Variants in FREM2 observed in about 807,000 individuals in gnomAD.
The protein encoded by FREM2 is FRAS1 related extracellular matrix 2.
A neutral mutation model predicts 219.9 loss-of-function variants in FREM2; 119 were observed. That is an observed-to-expected ratio of 0.54 (90% CI 0.47 to 0.63). FREM2 has a LOEUF of 0.63. Among genes scored for constraint, FREM2 ranks in the 30% least tolerant of loss-of-function variants. The pLI, the probability that FREM2 is intolerant of heterozygous loss-of-function variation, is 0.00. For missense variants in FREM2, 4,030 were observed against 3,993.6 expected, an observed-to-expected ratio of 1.01 and a Z score of -0.25; for synonymous variants, 1,562 against 1,522.8, an observed-to-expected ratio of 1.03 and a Z score of -0.60.
intron 2 of FREM2, among the ~76,000 whole-genome samples, chr13:38,724,610 T>C (rs911166064): frequency 1.3e-5 from 2 of 152,210 alleles, no homozygotes; most frequent in Non-Finnish European, 2.9e-5. Flanking sequence ...TTAAAAAAAT[T>C]GAAATTTGTT....
At chr13:38,770,638 A>G (rs375282684) in intron 4 of FREM2, among the ~76,000 whole-genome samples, 1 of 152,150 alleles carries the variant, frequency 6.6e-6, no homozygotes, top group Non-Finnish European at 1.5e-5. Context: ...ATGTTTCCAC[A>G]TTTGTGGCAT....
chr13:38,831,300 AT>A (rs1876499549), intron 6 of FREM2, among the ~76,000 whole-genome samples: 1 of 152,294 alleles, frequency 6.6e-6, no homozygotes, highest in Admixed American at 6.5e-5. Flanking sequence ...GAAAATTTTG[AT>A]GACTGTGATG....
intron 6 of FREM2, among the ~76,000 whole-genome samples, chr13:38,817,636 C>A (rs1263439654): frequency 6.6e-6 from 1 of 151,976 alleles, no homozygotes; most frequent in Non-Finnish European, 1.5e-5. Context: ...CACATCAGAG[C>A]ATTGGGCTGG....
intron 13 of FREM2, among the ~76,000 whole-genome samples, chr13:38,858,989 G>C (rs1280214135): frequency 8.2e-6 from 1 of 121,630 alleles, no homozygotes; most frequent in East Asian, 2.7e-4. Context: ...ACAGGAAGCG[G>C]GGGAGGAAAA....
In FREM2 at chr13:38,689,722, T is replaced by C; in HGVS notation, c.2378T>C (p.Leu793Pro). 1 of 1,613,600 alleles carries C rather than the reference T, an allele frequency of 6.2e-7. No individual in the cohort carries two copies. ...GCTTACAGACCCCCGGGTCAAGAAC[T>C]GGGCGTGGCTACTCGAGTGGCCCAG... ...KIAYRPPGQELGVATRVAQFQ... is the reference protein window; with the variant it reads ...KIAYRPPGQEPGVATRVAQFQ... Residue 793 changes from leucine to proline, a missense_variant, in exon 1 of 24, where the codon CTG (leucine) becomes CCG (proline). This residue lies in a region of FREM2 where 3,102 missense variants were observed against 2,950.7 expected (regional missense o/e 1.05). Coordinates refer to ENST00000280481, the MANE Select transcript of FREM2 (RefSeq NM_207361.6).
Position 38,880,915 on chromosome 13 carries a change from T to G in FREM2, c.*128T>G. The G allele has an allele frequency of 9.1e-7, 1 of 1,094,060 alleles. No homozygotes were observed. The highest frequency in any genetic ancestry group is 1.4e-6 in the Non-Finnish European group (1 of 735,350). 67.8% of individuals were successfully genotyped at this position (1,094,060 alleles called of 1,614,324 possible). On this transcript the variant is annotated 3_prime_UTR_variant, in exon 24 of 24. Coordinates refer to ENST00000280481, the MANE Select transcript of FREM2 (RefSeq NM_207361.6). Reference sequence around the variant, plus strand: ...GATGAAGCTGCTTAGAGAATATGACTGTACTAATGGAGTTTGATTTGAATT... The same window carrying G: ...GATGAAGCTGCTTAGAGAATATGACGGTACTAATGGAGTTTGATTTGAATT...
chr13:38,695,157 TAAG>T (rs1870054688), intron 1 of FREM2, among the ~76,000 whole-genome samples: 1 of 152,218 alleles, frequency 6.6e-6, no homozygotes, highest in African/African-American at 2.4e-5. Flanking sequence ...TTTTGTGTCT[TAAG>T]AAAGCTAGAC....
At chr13:38,717,548 C>G (rs1483542636) in intron 2 of FREM2, among the ~76,000 whole-genome samples, 1 of 149,598 alleles carries the variant, frequency 6.7e-6, no homozygotes, top group Non-Finnish European at 1.5e-5. Flanking sequence ...TCCCAGGTAG[C>G]TGGGATTACA....
At chr13:38,746,780 T>C (rs1224163860) in intron 2 of FREM2, among the ~76,000 whole-genome samples, 1 of 152,154 alleles carries the variant, frequency 6.6e-6, no homozygotes, top group African/African-American at 2.4e-5. Context: ...GTGGCTGCCA[T>C]GAAGGGAGTG....
chr13:38,838,891 A>G (rs1402234611), intron 6 of FREM2, among the ~76,000 whole-genome samples: 1 of 151,664 alleles, frequency 6.6e-6, no homozygotes, highest in African/African-American at 2.4e-5. Flanking sequence ...GCTTCCTTGC[A>G]TTGGGTTAGA....
chr13:38,722,394 C>T (rs967595610), intron 2 of FREM2, among the ~76,000 whole-genome samples: 1 of 151,884 alleles, frequency 6.6e-6, no homozygotes, highest in Non-Finnish European at 1.5e-5. Flanking sequence ...TAAACAAACT[C>T]AAGTAATTTT....
In FREM2 at chr13:38,886,423, GT is replaced by G. The variant is rs1878732449; in HGVS notation, c.*5639del. 2 of 151,044 alleles carry G rather than the reference GT, an allele frequency of 1.3e-5. No homozygotes were observed. The highest frequency in any genetic ancestry group is 2.9e-5 in the Non-Finnish European group (2 of 67,924). 9.4% of individuals were successfully genotyped at this position (151,044 alleles called of 1,614,324 possible). On this transcript the variant is annotated 3_prime_UTR_variant, in exon 24 of 24. Transcript: ENST00000280481. ...ATAGATTTTTTTTTTTTGAGACAGA[GT>G]TTCGCTCTTGTTGCCCAGGCTGGAG...
chr13:38,878,060 A>T (rs1878404742), intron 21 of FREM2, 74 bp from the exon 22 acceptor site: 1 of 1,254,294 alleles, frequency 8.0e-7, no homozygotes, highest in African/African-American at 1.5e-5. Flanking sequence ...CCTCATTGTC[A>T]TAACCTGTTT....
At chr13:38,698,908 A>G (rs1215856759) in intron 2 of FREM2, among the ~76,000 whole-genome samples, 1 of 152,238 alleles carries the variant, frequency 6.6e-6, no homozygotes, top group Non-Finnish European at 1.5e-5. Context: ...CCTACTATGA[A>G]TCAGAGAGTC....
At chr13:38,783,288 G>A (rs1241945876) in intron 5 of FREM2, 93 bp downstream of exon 5, 1 of 1,311,494 alleles carries the variant, frequency 7.6e-7, no homozygotes, top group Non-Finnish European at 1.1e-6. Flanking sequence ...ACCATGAGGG[G>A]TATACTTTAT....
At chr13:38,778,195 G>A (rs1302067496) in intron 4 of FREM2, among the ~76,000 whole-genome samples, 2 of 152,192 alleles carry the variant, frequency 1.3e-5, no homozygotes, top group South Asian at 2.1e-4. Flanking sequence ...AATCAACCCT[G>A]TCTTAGTCAG....
chr13:38,860,670 G>A (rs1008731311), intron 14 of FREM2, among the ~76,000 whole-genome samples: 2 of 152,126 alleles, frequency 1.3e-5, no homozygotes, highest in African/African-American at 4.8e-5. Flanking sequence ...AAATAGATAA[G>A]TAATTGTATC....
In FREM2 at chr13:38,709,758, A is replaced by T. The variant is rs936663394; in HGVS notation, c.5263+11971A>T. 6.0e-5 allele frequency among the ~76,000 whole-genome samples: 9 copies of T among 150,662 alleles called. No individual in the cohort carries two copies. The East Asian group carries it at 1.8e-3, about 30-fold the overall frequency. ...TACTCTCCTAGGACCGTGATTTGAC[A>T]CAGATACTGTACCAAACCCTTCTAA... is the stretch of plus-strand genomic sequence containing the variant. On this transcript the variant is annotated intron_variant, in intron 2 of 23. Transcript: ENST00000280481.
At chr13:38,878,720 G>A in intron 22 of FREM2, 111 bp from the exon 23 acceptor site, 1 of 1,116,440 alleles carries the variant, frequency 9.0e-7, no homozygotes. Flanking sequence ...AAACCAAATG[G>A]TGACATTTTA....
Sources: allele counts gnomAD v4.1 joint callset (sites outside exome capture counted in the v4.1 genomes callset), GRCh38; gene constraint gnomAD v4.1.1; regional missense constraint gnomAD v4.1.1; transcripts MANE v1.5; gene names NCBI Gene and HGNC (gene_info 2026-07-23, HGNC 2026-07-21).